OR1J2: variants seen among roughly 807,000 people sequenced by gnomAD.
OR1J2 encodes olfactory receptor 1J2.
For synonymous variants in OR1J2, 142 were observed against 99.7 expected, an observed-to-expected ratio of 1.42 and a Z score of -2.52; for missense variants, 304 against 246.1, an observed-to-expected ratio of 1.24 and a Z score of -1.57.
At chr9:122,548,807 TTGTTG>T in the OR1J2 span, among the ~76,000 whole-genome samples, 5 of 40,600 alleles carry the variant, frequency 1.2e-4, 1 homozygote, top group South Asian at 9.4e-3. Flanking sequence ...GTGTGTTTTG[TTGTTG>T]TTGTTGTTGT....
At chr9:122,553,964 T>A in the OR1J2 span, 1 of 1,613,866 alleles carries the variant, frequency 6.2e-7, no homozygotes, top group Non-Finnish European at 8.5e-7. Flanking sequence ...TCACGGTGGT[T>A]CTGCTCTTCT....
chr9:122,524,361 A>G, the OR1J2 span, among the ~76,000 whole-genome samples: 1 of 152,250 alleles, frequency 6.6e-6, no homozygotes, highest in Non-Finnish European at 1.5e-5. Context: ...ACATATGCAC[A>G]TAGTTAAGTA....
Position 122,511,560 on chromosome 9 carries a change from G to A in OR1J2, c.759G>A (p.Gly253=). ...SHLSVVSLYY[G]SIFGQYLFPT... The stretch of plus-strand genomic sequence containing the variant: ...TCTCTGTGGTGTCTCTCTATTATGG[G>A]TCAATATTTGGCCAGTACCTTTTCC... The change falls in exon 1 of 1, where the codon GGG becomes GGA. Residue 253 remains glycine, a synonymous_variant. Transcript: ENST00000335302. 1 of 780,984 alleles carries A rather than the reference G, an allele frequency of 1.3e-6. No homozygotes were observed. The highest frequency in any genetic ancestry group is 2.4e-6 in the Non-Finnish European group (1 of 418,116). The allele number at this position is 780,984 out of a possible 1,614,324, so 48.4% of individuals were successfully genotyped here.
At chr9:122,477,540 AG>A in the OR1J2 span, 1 of 1,614,210 alleles carries the variant, frequency 6.2e-7, no homozygotes, top group Non-Finnish European at 8.5e-7. Context: ...CATAATGTAG[AG>A]GATGACAGAT....
upstream of OR1J2, among the ~76,000 whole-genome samples, chr9:122,508,597 C>G (rs1828573281): frequency 6.6e-6 from 1 of 152,022 alleles, no homozygotes. Flanking sequence ...GCCTTATTTC[C>G]CTGCTGGTTA....
chr9:122,482,558 A>G, the OR1J2 span, among the ~76,000 whole-genome samples: 1 of 152,212 alleles, frequency 6.6e-6, no homozygotes, highest in Non-Finnish European at 1.5e-5. Flanking sequence ...TTGGAGAGAT[A>G]TCTGCATGTT....
At chr9:122,448,436 C>T in the OR1J2 span, among the ~76,000 whole-genome samples, 4 of 152,232 alleles carry the variant, frequency 2.6e-5, no homozygotes, top group South Asian at 2.1e-4. Flanking sequence ...AGGCAGGAGA[C>T]GGAGGCCTTC....
the OR1J2 span, among the ~76,000 whole-genome samples, chr9:122,544,406 CTCT>C: frequency 0.059 from 8,413 of 142,954 alleles, 348 homozygotes; most frequent in South Asian, 0.21. Flanking sequence ...TCAAAATAGC[CTCT>C]TTTTTCTTTT....
At chr9:122,576,350 T>C in the OR1J2 span, among the ~76,000 whole-genome samples, 1 of 151,852 alleles carries the variant, frequency 6.6e-6, no homozygotes, top group African/African-American at 2.4e-5. Context: ...GCCTCCCAAG[T>C]AGCTGGGATT....
At chr9:122,577,487 T>C in the OR1J2 span, among the ~76,000 whole-genome samples, 20,849 of 152,114 alleles carry the variant, frequency 0.14, 1,552 homozygotes, top group Middle Eastern at 0.21. Context: ...AAAAGTGCAA[T>C]GAACATGAAC....
downstream of OR1J2, among the ~76,000 whole-genome samples, chr9:122,512,820 T>G (rs1252654606): frequency 6.6e-6 from 1 of 152,232 alleles, no homozygotes; most frequent in Non-Finnish European, 1.5e-5. Context: ...AATTTCAGTG[T>G]GCCATGTAAC....
chr9:122,528,553 A>G, the OR1J2 span, among the ~76,000 whole-genome samples: 88,421 of 152,120 alleles, frequency 0.58, 27,633 homozygotes, highest in East Asian at 0.87. Flanking sequence ...AGCCGAGATC[A>G]TGCCATTGCA....
chr9:122,521,332 C>G, the OR1J2 span, among the ~76,000 whole-genome samples: 1 of 152,286 alleles, frequency 6.6e-6, no homozygotes, highest in Non-Finnish European at 1.5e-5. Context: ...AAAGCAATAA[C>G]CTGCCCTAGG....
chr9:122,474,427 A>G, the OR1J2 span, among the ~76,000 whole-genome samples: 1 of 152,180 alleles, frequency 6.6e-6, no homozygotes, highest in South Asian at 2.1e-4. Context: ...CTGATGTGGG[A>G]TGAGATCAAC....
At chr9:122,452,614 G>C in the OR1J2 span, among the ~76,000 whole-genome samples, 1 of 152,182 alleles carries the variant, frequency 6.6e-6, no homozygotes, top group African/African-American at 2.4e-5. Flanking sequence ...CTGTGATATG[G>C]TTTGGATATT....
At chr9:122,472,728 T>G in the OR1J2 span, among the ~76,000 whole-genome samples, 1 of 152,162 alleles carries the variant, frequency 6.6e-6, no homozygotes, top group South Asian at 2.1e-4. Context: ...CACCATAATC[T>G]GCAATCAGGA....
the OR1J2 span, among the ~76,000 whole-genome samples, chr9:122,498,405 T>G: frequency 1.1e-4 from 17 of 152,344 alleles, no homozygotes; most frequent in South Asian, 3.5e-3. Context: ...AAAATCTTTA[T>G]TCTGCTTGGT....
the OR1J2 span, chr9:122,554,216 T>A: frequency 7.3e-7 from 1 of 1,366,306 alleles, no homozygotes; most frequent in East Asian, 2.3e-5. Context: ...CTGTCTTCCA[T>A]CACTTCAGTA....
At chr9:122,567,458 T>G in the OR1J2 span, 1 of 978,164 alleles carries the variant, frequency 1.0e-6, no homozygotes, top group Non-Finnish European at 1.5e-6. Context: ...AGTGCTAGCT[T>G]CCAACAGCTT....
Sources: gnomAD v4.1 joint callset for allele counts (sites outside exome capture counted in the v4.1 genomes callset) on GRCh38, gnomAD v4.1.1 for gene constraint, MANE v1.5 for transcripts, NCBI Gene and HGNC (gene_info 2026-07-23, HGNC 2026-07-21) for gene names.